The following MYT1L variants were observed in gnomAD, a reference collection of about 807,000 sequenced individuals.
The protein encoded by MYT1L is myelin transcription factor 1 like.
Under a neutral mutation model 126.7 loss-of-function variants are expected in MYT1L, and 12 were observed. The observed-to-expected ratio is 0.09, with a 90% CI of 0.06 to 0.15. MYT1L has a LOEUF of 0.15. MYT1L is among the 10% of genes least tolerant of loss of function. The pLI, the probability that MYT1L is intolerant of heterozygous loss-of-function variation, is 1.00. For synonymous variants in MYT1L, 541 were observed against 604.2 expected, an observed-to-expected ratio of 0.90 and a Z score of 1.53; for missense variants, 979 against 1,585.2, an observed-to-expected ratio of 0.62 and a Z score of 6.49.
At position 1,840,746 on chromosome 2, in the gene MYT1L, A is replaced by C; in HGVS notation, c.2858+14T>G. 6.5e-7 allele frequency: 1 copy of C among 1,542,494 alleles called. No homozygotes were observed. Among genetic ancestry groups the C allele is most frequent in the Non-Finnish European group, 8.8e-7 (1 of 1,139,876 alleles). Reference sequence around the variant, plus strand: ...CAGCCCTGCTATGGTTCTCAGCCCCACTGGTGCTCATACCTGATGGGTTCT... The same window carrying C: ...CAGCCCTGCTATGGTTCTCAGCCCCCCTGGTGCTCATACCTGATGGGTTCT... On this transcript the variant is annotated intron_variant, in intron 20 of 24. Transcript: ENST00000647738.
chr2:2,303,056 G>A (rs2095807388), intron 1 of MYT1L, among the ~76,000 whole-genome samples: 1 of 151,882 alleles, frequency 6.6e-6, no homozygotes, highest in South Asian at 2.1e-4. Flanking sequence ...TTTAATTCTA[G>A]GTTAAAAATG....
At chr2:2,218,944 A>G (rs2093772080) in intron 2 of MYT1L, among the ~76,000 whole-genome samples, 1 of 152,220 alleles carries the variant, frequency 6.6e-6, no homozygotes, top group Non-Finnish European at 1.5e-5. Context: ...TTTTGAGACC[A>G]AAAGACAGAG....
chr2:1,843,464 CAGGGAGAATTACGGTGTCCTTCCT>C (rs1171044280), intron 19 of MYT1L, among the ~76,000 whole-genome samples: 1 of 150,994 alleles, frequency 6.6e-6, no homozygotes, highest in East Asian at 1.9e-4. Flanking sequence ...ATGTCCTACC[CAGGGAGAATTACGGTGTCCTTCCT>C]AGGGAGAATT....
rs527431452 is a variant in MYT1L, at chr2:1,815,597, G to A, written c.3081-6430C>T. ...AGGAAGCAAGAGGGGCCGAGAGGCC[G>A]AGCTGCTTTCCCACTCTGATTCTGA... is the stretch of plus-strand genomic sequence containing the variant. On this transcript the variant is annotated intron_variant, in intron 21 of 24. Transcript: ENST00000647738. Among the ~76,000 whole-genome samples the A allele has an allele frequency of 6.8e-4, 104 of 152,326 alleles. 3 individuals are homozygous for A. The South Asian group carries it at 0.013, about 19-fold the overall frequency.
chr2:2,085,465 T>C (rs1010655289), intron 3 of MYT1L, among the ~76,000 whole-genome samples: 3 of 152,146 alleles, frequency 2.0e-5, no homozygotes, highest in African/African-American at 7.2e-5. Context: ...CTACATTAAG[T>C]CTATGCTGCT....
chr2:1,814,459 C>T lies in MYT1L; in HGVS notation c.3081-5292G>A, dbSNP rs114620411. On this transcript the variant is annotated intron_variant, in intron 21 of 24. Transcript: ENST00000647738. ...TTCTGCTGGTCTGAGGGTGGTTCCTCGGAATGCCCACCACATTGCTATGTG... is the reference window on the plus strand; with the variant it reads ...TTCTGCTGGTCTGAGGGTGGTTCCTTGGAATGCCCACCACATTGCTATGTG... 4.8e-3 allele frequency among the ~76,000 whole-genome samples: 735 copies of T among 152,256 alleles called. 4 individuals carry two copies. Among genetic ancestry groups the T allele is most frequent in the African/African-American group, 0.017 (716 of 41,548 alleles).
At chr2:1,847,478 G>A (rs980364581) in intron 19 of MYT1L, among the ~76,000 whole-genome samples, 5 of 152,102 alleles carry the variant, frequency 3.3e-5, no homozygotes, top group Admixed American at 1.3e-4. Flanking sequence ...CATGTGGGAC[G>A]GCTGCGCAGA....
intron 1 of MYT1L, among the ~76,000 whole-genome samples, chr2:2,330,181 A>G (rs2096276246): frequency 6.6e-6 from 1 of 152,050 alleles, no homozygotes; most frequent in South Asian, 2.1e-4. Flanking sequence ...GAAAATATAA[A>G]CATTTGAACA....
chr2:2,148,913 G>T (rs1196702692), intron 3 of MYT1L, among the ~76,000 whole-genome samples: 2 of 151,994 alleles, frequency 1.3e-5, no homozygotes, highest in African/African-American at 4.8e-5. Flanking sequence ...TCCTTCTTGT[G>T]AACTCACAGT....
At position 1,852,588 on chromosome 2, in the gene MYT1L, GAAT is replaced by G. The variant is rs34600757; in HGVS notation, c.2712-888_2712-886del. Reference sequence around the variant, plus strand: ...CAACTTCTTAACTATGCTGTCTCAAGAATAATGAGATCACACCGCAAACACATT... The same window carrying G: ...CAACTTCTTAACTATGCTGTCTCAAGAATGAGATCACACCGCAAACACATT... On this transcript the variant is annotated intron_variant, in intron 18 of 24. Transcript: ENST00000647738. This position sits in a 1 kb window ranked among gnomAD's most constrained non-coding sequence, Gnocchi z 4.0. Among the ~76,000 whole-genome samples the G allele has an allele frequency of 0.019, 2,894 of 152,146 alleles. 47 individuals are homozygous for G. The highest frequency in any genetic ancestry group is 0.031 in the Non-Finnish European group (2,099 of 68,000).
chr2:2,145,613 T>C (rs2148231841), intron 3 of MYT1L, among the ~76,000 whole-genome samples: 1 of 150,462 alleles, frequency 6.6e-6, no homozygotes, highest in Admixed American at 6.6e-5. Context: ...CCTTTCAGTA[T>C]CCACTGGAAA....
intron 2 of MYT1L, among the ~76,000 whole-genome samples, chr2:2,226,842 C>G (rs1279569068): frequency 6.6e-6 from 1 of 152,204 alleles, no homozygotes; most frequent in Non-Finnish European, 1.5e-5. Context: ...GGGTGGACTT[C>G]ATGGTCCTTC....
chr2:2,235,907 C>CA (rs2094286154), intron 2 of MYT1L, among the ~76,000 whole-genome samples: 1 of 152,150 alleles, frequency 6.6e-6, no homozygotes. Context: ...GGCTGAGGAG[C>CA]AGCTAATATA....
chr2:1,931,955 C>T (rs922798847), intron 9 of MYT1L, among the ~76,000 whole-genome samples: 1 of 152,194 alleles, frequency 6.6e-6, no homozygotes, highest in Admixed American at 6.5e-5. Context: ...CCCCTTCACA[C>T]ATACGTGAGG....
chr2:2,179,466 G>T (rs1040203251), intron 2 of MYT1L, among the ~76,000 whole-genome samples: 1 of 152,288 alleles, frequency 6.6e-6, no homozygotes. Context: ...CTCTGTTGTG[G>T]ATGCCTCTGA....
At chr2:2,106,400 T>C (rs1282052898) in intron 3 of MYT1L, among the ~76,000 whole-genome samples, 1 of 152,124 alleles carries the variant, frequency 6.6e-6, no homozygotes, top group South Asian at 2.1e-4. Flanking sequence ...GGTGGATCAC[T>C]TGAGGTCAGG....
chr2:1,875,564 TGAG>T (rs990403684), intron 18 of MYT1L, among the ~76,000 whole-genome samples: 22 of 152,358 alleles, frequency 1.4e-4, no homozygotes, highest in Non-Finnish European at 1.8e-4. Flanking sequence ...AGCAGTTCTC[TGAG>T]GAGAAGGCGA....
chr2:2,278,584 T>TG (rs2095401714), intron 2 of MYT1L, among the ~76,000 whole-genome samples: 1 of 152,350 alleles, frequency 6.6e-6, no homozygotes, highest in African/African-American at 2.4e-5. Context: ...CATATAATTT[T>TG]GCCTACAAAA....
In MYT1L at chr2:2,126,849, CA is replaced by C. The variant is rs552031128; in HGVS notation, c.-304+46022del. On this transcript the variant is annotated intron_variant, in intron 3 of 24. Coordinates refer to ENST00000647738, the MANE Select transcript of MYT1L (RefSeq NM_001303052.2). Reference sequence around the variant, plus strand: ...CAGATGAACACTAATTTTTGAGTACCAAAATTTTCATTCCTTGAGTTTCAGA... The same window carrying C: ...CAGATGAACACTAATTTTTGAGTACCAAATTTTCATTCCTTGAGTTTCAGA... Among the ~76,000 whole-genome samples, 26 of 152,242 alleles carry C rather than the reference CA, an allele frequency of 1.7e-4. No homozygotes were observed. In the South Asian group the frequency reaches 5.4e-3, roughly 32 times the overall value.
Sources: allele counts gnomAD v4.1 joint callset (sites outside exome capture counted in the v4.1 genomes callset), GRCh38; gene constraint gnomAD v4.1.1; non-coding constraint Gnocchi (gnomAD v3.1); transcripts MANE v1.5; gene names NCBI Gene and HGNC (gene_info 2026-07-23, HGNC 2026-07-21).